The following RNF115 variants were observed in gnomAD, a reference collection of about 807,000 sequenced individuals.
The protein encoded by RNF115 is ring finger protein 115.
In RNF115, 31 loss-of-function variants were observed where a neutral mutation model predicts 39.2. The ratio of observed to expected loss-of-function variants is 0.79; its 90% confidence interval spans 0.59 to 1.07. The LOEUF is 1.07. RNF115 is among the 50% of genes least tolerant of loss of function. The pLI is 0.00. For synonymous variants in RNF115, 124 were observed against 131.0 expected, an observed-to-expected ratio of 0.95 and a Z score of 0.37; for missense variants, 384 against 381.7, an observed-to-expected ratio of 1.01 and a Z score of -0.05.
chr1:145,801,415 A>C (rs2101590175), intron 1 of RNF115, among the ~76,000 whole-genome samples: 1 of 151,918 alleles, frequency 6.6e-6, no homozygotes, highest in East Asian at 2.0e-4. Flanking sequence ...AAATACAAAA[A>C]TTAGCCAGGC....
In RNF115 at chr1:145,823,938, C is replaced by A; in HGVS notation, c.-65G>T. ...CCGTCCCTCGCCAGGCCGCTACCTC[C>A]CGAGCTGCAGTCGTCGCCGCCGCCG... On this transcript the variant is annotated 5_prime_UTR_variant, in exon 1 of 9. Transcript: ENST00000582693. 8.3e-7 allele frequency: 1 copy of A among 1,209,004 alleles called. No individual in the cohort carries two copies. Among genetic ancestry groups the A allele is most frequent in the Non-Finnish European group, 1.1e-6 (1 of 914,276 alleles). 74.9% of individuals were successfully genotyped at this position (1,209,004 alleles called of 1,614,324 possible).
intron 4 of RNF115, among the ~76,000 whole-genome samples, chr1:145,757,811 ATAGG>A (rs587689887): frequency 4.1e-4 from 58 of 141,630 alleles, no homozygotes; most frequent in African/African-American, 1.4e-3. Context: ...TGGGTGTGTG[ATAGG>A]TAGTTAACCT....
chr1:145,788,843 T>C (rs1553718512), intron 2 of RNF115, 65 bp downstream of exon 2: 2 of 1,140,668 alleles, frequency 1.8e-6, no homozygotes, highest in Admixed American at 3.4e-5. Context: ...ACTTACTCAG[T>C]CCATGCTGAG....
chr1:145,814,935 A>G (rs28414568), intron 1 of RNF115, among the ~76,000 whole-genome samples: 2,961 of 119,794 alleles, frequency 0.025, no homozygotes, highest in African/African-American at 0.084. Context: ...CACTTTTTAA[A>G]TATAATTACT....
rs1657896271 is a variant in RNF115 at position 145,746,877 on chromosome 1, A to G, written c.904T>C (p.Trp302Arg). ...TGTGGTCTTTAGCTTCAGAAAGTCC[A>G]TCGGTCATGTAGCTGACTGTCATTG... ...FSNDSQLHDR[W>R]TF is the part of the protein sequence containing the mutation. The change falls in exon 9 of 9, where the codon TGG becomes CGG. Residue 302 changes from tryptophan to arginine, a missense_variant. Coordinates refer to ENST00000582693, the MANE Select transcript of RNF115 (RefSeq NM_014455.4). 5 of 1,614,008 alleles carry G rather than the reference A, an allele frequency of 3.1e-6. No homozygotes were observed. The Admixed American group carries it at 5.0e-5, about 16-fold the overall frequency.
Position 145,824,007 on chromosome 1 carries a change from G to A in RNF115, c.-134C>T. ...CCGCTTCAGAGCCCGCGTCGGTCACGTGAGTTGGCCAGGCCCAGAAACGCG... is the reference window on the plus strand; with the variant it reads ...CCGCTTCAGAGCCCGCGTCGGTCACATGAGTTGGCCAGGCCCAGAAACGCG... On this transcript the variant is annotated 5_prime_UTR_variant, in exon 1 of 9. It adds an upstream start codon to the 5' untranslated region. Coordinates refer to ENST00000582693, the MANE Select transcript of RNF115 (RefSeq NM_014455.4). 1.6e-6 allele frequency: 1 copy of A among 617,570 alleles called. No homozygotes were observed. The allele number at this position is 617,570 out of a possible 1,614,324, so 38.3% of individuals were successfully genotyped here. A position where few individuals can be genotyped will look rare whatever the true frequency, so the allele number is the denominator to read the frequency against.
chr1:145,780,001 G>A (rs587761684), intron 3 of RNF115, among the ~76,000 whole-genome samples: 26 of 152,028 alleles, frequency 1.7e-4, no homozygotes, highest in Non-Finnish European at 2.5e-4. Flanking sequence ...GCCAAGACGA[G>A]AGGATGACCT....
At position 145,795,545 on chromosome 1, in the gene RNF115, T is replaced by C. The variant is rs200652076; in HGVS notation, c.103-6579A>G. Among the ~76,000 whole-genome samples the C allele has an allele frequency of 5.3e-5, 8 of 152,224 alleles. No individual in the cohort carries two copies. The South Asian group carries it at 6.2e-4, about 12-fold the overall frequency. ...CCTTTAGCTAGACACAGGGCACTGATTGGCGCATTTACAATGCTTTAGCTA... is the reference window on the plus strand; with the variant it reads ...CCTTTAGCTAGACACAGGGCACTGACTGGCGCATTTACAATGCTTTAGCTA... On this transcript the variant is annotated intron_variant, in intron 1 of 8. Coordinates refer to ENST00000582693, the MANE Select transcript of RNF115 (RefSeq NM_014455.4).
At chr1:145,780,712 A>G (rs782557402) in intron 3 of RNF115, among the ~76,000 whole-genome samples, 2 of 152,134 alleles carry the variant, frequency 1.3e-5, no homozygotes, top group Non-Finnish European at 2.9e-5. Flanking sequence ...ACAAAAACAA[A>G]TAACAAATTT....
intron 1 of RNF115, among the ~76,000 whole-genome samples, chr1:145,800,669 G>C (rs1160113012): frequency 6.6e-6 from 1 of 152,174 alleles, no homozygotes; most frequent in Non-Finnish European, 1.5e-5. Flanking sequence ...CTTGGATCCA[G>C]CCTAGGGCAG....
intron 3 of RNF115, chr1:145,773,681 T>C (rs1337168278): frequency 1.4e-4 from 22 of 152,204 alleles, no homozygotes; most frequent in Admixed American, 1.4e-3. Flanking sequence ...AGCTGTGCAC[T>C]TGGCTTTCTA....
chr1:145,768,604 G>A (rs1179889620), intron 4 of RNF115, among the ~76,000 whole-genome samples: 3 of 152,078 alleles, frequency 2.0e-5, no homozygotes, highest in Admixed American at 6.5e-5. Context: ...GTGAGCCACC[G>A]CACCCGGCCA....
At chr1:145,770,019 C>T (rs950671694) in intron 4 of RNF115, among the ~76,000 whole-genome samples, 1 of 152,016 alleles carries the variant, frequency 6.6e-6, no homozygotes, top group Non-Finnish European at 1.5e-5. Context: ...CCAACCCCGA[C>T]CCCTAAAAAA....
At position 145,743,815 on chromosome 1, in the gene RNF115, T is replaced by C; in HGVS notation, c.*3051A>G. ...ATAAATAAATAAATAAATAAATAAA[T>C]AATAATAATAATAATAATAAATCCC... On this transcript the variant is annotated 3_prime_UTR_variant, in exon 9 of 9. Transcript: ENST00000582693. The C allele has an allele frequency of 3.0e-4, 1 of 3,328 alleles. No individual in the cohort carries two copies. Among genetic ancestry groups the C allele is most frequent in the South Asian group, 0.022 (1 of 46 alleles). The allele number at this position is 3,328 out of a possible 1,614,324, so 0.2% of individuals were successfully genotyped here.
In RNF115 at chr1:145,753,019, A is replaced by C; in HGVS notation, c.459T>G (p.Phe153Leu). Reference protein sequence around the residue: ...GILQHIFAGFFANSAIPGSPH... With the variant: ...GILQHIFAGFLANSAIPGSPH... ...GAGATCCAGGAATGGCAGAATTTGC[A>C]AAGAATCCTGCAAAGATGTGTTGTA... is the stretch of plus-strand genomic sequence containing the variant. The change falls in exon 5 of 9, where the codon TTT (phenylalanine) becomes TTG (leucine). Residue 153 changes from phenylalanine (F) to leucine (L), a missense_variant. By Grantham distance (22) the Phe-to-Leu change is conservative. Coordinates refer to ENST00000582693, the MANE Select transcript of RNF115 (RefSeq NM_014455.4). 1.9e-6 allele frequency: 3 copies of C among 1,611,942 alleles called. No individual in the cohort carries two copies. The South Asian group carries it at 3.3e-5, about 18-fold the overall frequency.
intron 7 of RNF115, among the ~76,000 whole-genome samples, chr1:145,748,782 G>A (rs936060857): frequency 2.0e-5 from 3 of 152,002 alleles, no homozygotes; most frequent in Non-Finnish European, 4.4e-5. Context: ...CTACTCAGGA[G>A]GCTGAGGCAG....
chr1:145,767,649 C>T (rs1308822930), intron 4 of RNF115, among the ~76,000 whole-genome samples: 1 of 152,142 alleles, frequency 6.6e-6, no homozygotes, highest in Non-Finnish European at 1.5e-5. Context: ...TGTAGCGAGC[C>T]GAGATCACGC....
rs1553712482 is a variant in RNF115 at position 145,751,523 on chromosome 1, T to A, written c.501-13A>T. ...CAGCATCCCGCTCCTATACGTGAGA[T>A]GAGATAGACAGCATTAGATGGAGTG... On this transcript the variant is annotated splice_polypyrimidine_tract_variant and intron_variant, in intron 5 of 8. Transcript: ENST00000582693. 1.3e-6 allele frequency: 2 copies of A among 1,582,702 alleles called. No homozygotes were observed. Among genetic ancestry groups the A allele is most frequent in the African/African-American group, 2.7e-5 (2 of 74,420 alleles).
At chr1:145,783,331 A>C (rs1231192808) in intron 3 of RNF115, among the ~76,000 whole-genome samples, 1 of 152,102 alleles carries the variant, frequency 6.6e-6, no homozygotes, top group African/African-American at 2.4e-5. Flanking sequence ...AAGCAGAAAA[A>C]CCACCCTAAA....
Sources: gnomAD v4.1 joint callset for allele counts (sites outside exome capture counted in the v4.1 genomes callset) on GRCh38, gnomAD v4.1.1 for gene constraint, MANE v1.5 for transcripts, NCBI Gene and HGNC (gene_info 2026-07-23, HGNC 2026-07-21) for gene names.